LCOR: variants seen among roughly 807,000 people sequenced by gnomAD.
The protein encoded by LCOR is ligand-dependent corepressor.
Under a neutral mutation model 64.4 loss-of-function variants are expected in LCOR, and 14 were observed. The ratio of observed to expected loss-of-function variants is 0.22; its 90% confidence interval spans 0.14 to 0.34. The LOEUF is 0.34. Ranked by LOEUF, LCOR falls within the 10% of genes least tolerant of loss-of-function variation. The pLI is 1.00. For synonymous variants in LCOR, 643 were observed against 642.5 expected (o/e 1.00, Z -0.01); for missense variants, 1,686 against 1,765.3 (o/e 0.96, Z 0.80).
chr10:96,840,459 G>A (rs541931956), intron 2 of LCOR, among the ~76,000 whole-genome samples: 3 of 152,174 alleles, frequency 2.0e-5, no homozygotes, highest in African/African-American at 4.8e-5. Flanking sequence ...ATGTGCATTT[G>A]TTAGTATAAG....
chr10:96,835,430 G>T (rs1360434496), intron 2 of LCOR, among the ~76,000 whole-genome samples: 2 of 152,132 alleles, frequency 1.3e-5, no homozygotes, highest in Non-Finnish European at 2.9e-5. Flanking sequence ...TATATTCATA[G>T]TCTCTCAACT....
At chr10:96,837,855 G>A (rs1424577979) in intron 2 of LCOR, among the ~76,000 whole-genome samples, 1 of 152,172 alleles carries the variant, frequency 6.6e-6, no homozygotes, top group African/African-American at 2.4e-5. Context: ...GATTTGTTTC[G>A]ATGTGCCTCT....
chr10:96,952,321 A>G, intron 7 of LCOR, 125 bp downstream of exon 7: 5 of 619,396 alleles, frequency 8.1e-6, no homozygotes, highest in Non-Finnish European at 1.4e-5. Context: ...AATATGGACC[A>G]TAGATCAAAT....
intron 2 of LCOR, among the ~76,000 whole-genome samples, chr10:96,885,941 A>G (rs1846336112): frequency 6.6e-6 from 1 of 151,964 alleles, no homozygotes; most frequent in South Asian, 2.1e-4. Flanking sequence ...GCAGTGGTGC[A>G]ATCTCAGCTC....
At chr10:96,883,599 T>C (rs1309436003) in intron 2 of LCOR, among the ~76,000 whole-genome samples, 2 of 152,226 alleles carry the variant, frequency 1.3e-5, no homozygotes, top group Non-Finnish European at 1.5e-5. Context: ...CCTGCTGACA[T>C]ATAATGTTGA....
rs1267627083 is a variant in LCOR at position 96,994,569 on chromosome 10, T to A, written c.*9435T>A. The stretch of plus-strand genomic sequence containing the variant: ...TCACTAGTGTATTTTTAGACTGAAG[T>A]GGGTGCATTAGGATAAAACTTTCCC... On this transcript the variant is annotated 3_prime_UTR_variant, in exon 8 of 8. Coordinates refer to ENST00000421806, the MANE Select transcript of LCOR (RefSeq NM_001346516.2). The A allele has an allele frequency of 6.6e-6, 1 of 152,090 alleles. No individual in the cohort carries two copies. The highest frequency in any genetic ancestry group is 1.5e-5 in the Non-Finnish European group (1 of 68,016). The allele number at this position is 152,090 out of a possible 1,614,324, so 9.4% of individuals were successfully genotyped here. A position where few individuals can be genotyped will look rare whatever the true frequency, so the allele number is the denominator to read the frequency against.
chr10:96,907,565 C>T (rs144570468), intron 3 of LCOR, 103 bp from the exon 4 acceptor site: 1 of 366,712 alleles, frequency 2.7e-6, no homozygotes, highest in African/African-American at 2.2e-5. Context: ...CAAATATGGC[C>T]TAACTACTTA....
intron 2 of LCOR, among the ~76,000 whole-genome samples, chr10:96,836,590 T>C (rs1271608395): frequency 1.3e-5 from 2 of 152,198 alleles, no homozygotes; most frequent in African/African-American, 4.8e-5. Context: ...CGATCAGTTA[T>C]TGTACAAGGC....
intron 2 of LCOR, among the ~76,000 whole-genome samples, chr10:96,861,488 A>G (rs552115541): frequency 2.0e-5 from 3 of 152,284 alleles, no homozygotes; most frequent in African/African-American, 4.8e-5. Flanking sequence ...TTCCCCCACC[A>G]ATAAGCAGGC....
intron 7 of LCOR, chr10:96,963,154 T>C (rs1847906545): frequency 6.6e-6 from 1 of 152,234 alleles, no homozygotes; most frequent in African/African-American, 2.4e-5. Context: ...TATAGTGGCA[T>C]TCTATATATT....
In LCOR at chr10:96,986,508, T is replaced by TA. The variant is rs1445996734; in HGVS notation, c.*1374_*1375insA. 1 of 152,236 alleles carries TA rather than the reference T, an allele frequency of 6.6e-6. No homozygotes were observed. Among genetic ancestry groups the TA allele is most frequent in the Admixed American group, 6.5e-5 (1 of 15,286 alleles). The allele number at this position is 152,236 out of a possible 1,614,324, so 9.4% of individuals were successfully genotyped here. A position where few individuals can be genotyped will look rare whatever the true frequency, so the allele number is the denominator to read the frequency against. ...GATTAACACCATCCTAGTAGTTAAA[T>TA]GCTTGTAGTATCACTCCTGCCATGT... On this transcript the variant is annotated 3_prime_UTR_variant, in exon 8 of 8. Transcript: ENST00000421806.
chr10:96,861,126 A>G (rs553716182), intron 2 of LCOR, among the ~76,000 whole-genome samples: 59 of 152,306 alleles, frequency 3.9e-4, no homozygotes, highest in African/African-American at 1.4e-3. Flanking sequence ...GAAAGTGGGT[A>G]TCTTCTTGTT....
intron 2 of LCOR, among the ~76,000 whole-genome samples, chr10:96,843,630 A>G (rs896381531): frequency 2.0e-5 from 3 of 152,230 alleles, no homozygotes; most frequent in East Asian, 3.9e-4. Context: ...GAAAACTTCA[A>G]ACATACAGAA....
chr10:96,972,182 A>G (rs1848005103), intron 7 of LCOR, among the ~76,000 whole-genome samples: 1 of 152,174 alleles, frequency 6.6e-6, no homozygotes, highest in Admixed American at 6.6e-5. Flanking sequence ...CCTTATGAGT[A>G]TCAATGAGGT....
intron 5 of LCOR, among the ~76,000 whole-genome samples, chr10:96,945,536 C>A (rs1478135145): frequency 6.6e-6 from 1 of 152,138 alleles, no homozygotes; most frequent in Non-Finnish European, 1.5e-5. Flanking sequence ...TATCCCTGCA[C>A]ATTGCTCAGA....
chr10:96,983,538 A>G lies in LCOR; in HGVS notation c.3078A>G (p.Ala1026=). The G allele has an allele frequency of 6.2e-7, 1 of 1,614,138 alleles. No individual in the cohort carries two copies. The highest frequency in any genetic ancestry group is 8.5e-7 in the Non-Finnish European group (1 of 1,180,024). ...SSSGSGDAAR[A]PKSVPRPKRL... is the part of the protein sequence containing the mutation. Reference sequence around the variant, plus strand: ...GTGGAAGTGGTGATGCTGCTAGGGCACCAAAATCGGTGCCAAGGCCTAAAA... The same window carrying G: ...GTGGAAGTGGTGATGCTGCTAGGGCGCCAAAATCGGTGCCAAGGCCTAAAA... The change falls in exon 8 of 8, where the codon GCA becomes GCG. Residue 1026 remains alanine (A), a synonymous_variant. Coordinates refer to ENST00000421806, the MANE Select transcript of LCOR (RefSeq NM_001346516.2). The surrounding 1 kb of genome is among the most constrained non-coding windows in gnomAD (Gnocchi z 4.5).
At chr10:96,914,478 C>T (rs1368909084) in intron 4 of LCOR, among the ~76,000 whole-genome samples, 1 of 152,094 alleles carries the variant, frequency 6.6e-6, no homozygotes, top group Admixed American at 6.5e-5. Flanking sequence ...ATTACAGGCG[C>T]GAGCCACCGC....
intron 2 of LCOR, among the ~76,000 whole-genome samples, chr10:96,896,104 A>G (rs1213638017): frequency 6.6e-6 from 1 of 152,102 alleles, no homozygotes; most frequent in Non-Finnish European, 1.5e-5. Flanking sequence ...AGAAAAAAAA[A>G]TCTTGCCTCC....
chr10:96,853,713 C>G (rs149107415), intron 2 of LCOR, among the ~76,000 whole-genome samples: 3 of 152,282 alleles, frequency 2.0e-5, no homozygotes, highest in African/African-American at 7.2e-5. Flanking sequence ...GGGCCTGTTA[C>G]CACGTATTTT....
Sources: allele counts gnomAD v4.1 joint callset (sites outside exome capture counted in the v4.1 genomes callset), GRCh38; gene constraint gnomAD v4.1.1; non-coding constraint Gnocchi (gnomAD v3.1); transcripts MANE v1.5; gene names NCBI Gene and HGNC (gene_info 2026-07-23, HGNC 2026-07-21).